The following NR2F1-AS1 variants were observed in gnomAD, a reference collection of about 807,000 sequenced individuals.
NR2F1-AS1 encodes NR2F1 regulatory antisense RNA 1, also known as NR2F1 antisense RNA 1.
chr5:93,413,446 T>G (rs1262898469), intron 4 of NR2F1-AS1, among the ~76,000 whole-genome samples: 1 of 152,054 alleles, frequency 6.6e-6, no homozygotes, highest in Non-Finnish European at 1.5e-5. Flanking sequence ...CTCTCTCATC[T>G]CTTCAGGGTT....
At chr5:93,439,041 A>T (rs977186793) in intron 4 of NR2F1-AS1, among the ~76,000 whole-genome samples, 3 of 152,256 alleles carry the variant, frequency 2.0e-5, no homozygotes, top group African/African-American at 7.2e-5. Flanking sequence ...TTATTTGTCA[A>T]TTATACCTCA....
intron 4 of NR2F1-AS1, among the ~76,000 whole-genome samples, chr5:93,475,251 G>A (rs1750457757): frequency 6.6e-6 from 1 of 151,964 alleles, no homozygotes; most frequent in African/African-American, 2.4e-5. Context: ...GATCCAAAAA[G>A]TTAAAAGCTA....
chr5:93,570,802 G>C (rs1253226760), intron 1 of NR2F1-AS1: 2 of 152,162 alleles, frequency 1.3e-5, no homozygotes, highest in African/African-American at 4.8e-5. Flanking sequence ...TCGACCTCCC[G>C]GCAGCCAACC....
At chr5:93,436,327 C>T (rs1424279221) in intron 4 of NR2F1-AS1, among the ~76,000 whole-genome samples, 1 of 152,144 alleles carries the variant, frequency 6.6e-6, no homozygotes, top group Non-Finnish European at 1.5e-5. Flanking sequence ...TCCCTGAGAA[C>T]ATTCCCTCAA....
chr5:93,533,397 C>A (rs1421576727), intron 4 of NR2F1-AS1, among the ~76,000 whole-genome samples: 1 of 152,100 alleles, frequency 6.6e-6, no homozygotes, highest in Non-Finnish European at 1.5e-5. Flanking sequence ...TGTATGCACA[C>A]AATTTATCAG....
chr5:93,554,140 G>A (rs779897275), intron 3 of NR2F1-AS1, among the ~76,000 whole-genome samples: 5 of 152,086 alleles, frequency 3.3e-5, no homozygotes, highest in East Asian at 1.9e-4. Flanking sequence ...TAACTAAAAC[G>A]AAGATTGTTT....
intron 4 of NR2F1-AS1, among the ~76,000 whole-genome samples, chr5:93,518,864 T>G (rs1283274390): frequency 6.6e-6 from 1 of 152,080 alleles, no homozygotes; most frequent in Non-Finnish European, 1.5e-5. Context: ...TCCTTCAGGC[T>G]TCCTAAGATG....
At chr5:93,456,079 C>T (rs559817144) in intron 4 of NR2F1-AS1, among the ~76,000 whole-genome samples, 144 of 152,022 alleles carry the variant, frequency 9.5e-4, no homozygotes, top group Non-Finnish European at 1.9e-3. Context: ...TACTGGAAAT[C>T]CTAGAGAAAA....
chr5:93,490,917 G>A (rs1750827370), intron 4 of NR2F1-AS1, among the ~76,000 whole-genome samples: 1 of 148,994 alleles, frequency 6.7e-6, no homozygotes, highest in African/African-American at 2.5e-5. Context: ...GGTGGTGATG[G>A]GAGTGGTGGT....
At chr5:93,481,159 T>C (rs1283450440) in intron 4 of NR2F1-AS1, among the ~76,000 whole-genome samples, 1 of 151,594 alleles carries the variant, frequency 6.6e-6, no homozygotes, top group Non-Finnish European at 1.5e-5. Flanking sequence ...AAGTTAACAA[T>C]GAAAGGATAG....
chr5:93,517,413 T>C (rs573644473), intron 4 of NR2F1-AS1, among the ~76,000 whole-genome samples: 2 of 152,116 alleles, frequency 1.3e-5, no homozygotes, highest in Non-Finnish European at 2.9e-5. Context: ...GTTAGTTCTT[T>C]ACAATCCTAA....
At chr5:93,417,180 A>G (rs559047292) in intron 4 of NR2F1-AS1, among the ~76,000 whole-genome samples, 1 of 152,326 alleles carries the variant, frequency 6.6e-6, no homozygotes, top group African/African-American at 2.4e-5. Context: ...TTTTATTTAT[A>G]CTATTTATTA....
At chr5:93,474,715 C>A (rs1028679179) in intron 4 of NR2F1-AS1, among the ~76,000 whole-genome samples, 1 of 152,268 alleles carries the variant, frequency 6.6e-6, no homozygotes, top group Non-Finnish European at 1.5e-5. Context: ...CCTAATCTCC[C>A]TACCCTAATC....
intron 4 of NR2F1-AS1, among the ~76,000 whole-genome samples, chr5:93,424,617 G>A (rs1749158058): frequency 6.6e-6 from 1 of 152,064 alleles, no homozygotes; most frequent in African/African-American, 2.4e-5. Flanking sequence ...CTGCACTTCA[G>A]ACTATTCTCC....
intron 4 of NR2F1-AS1, among the ~76,000 whole-genome samples, chr5:93,464,861 A>C (rs1750191378): frequency 6.6e-6 from 1 of 152,208 alleles, no homozygotes; most frequent in Non-Finnish European, 1.5e-5. Flanking sequence ...ATCAATGAGA[A>C]ATTGCTAGGA....
At chr5:93,486,054 A>G (rs1750707644) in intron 4 of NR2F1-AS1, among the ~76,000 whole-genome samples, 1 of 129,302 alleles carries the variant, frequency 7.7e-6, no homozygotes, top group Non-Finnish European at 1.6e-5. Context: ...ATAGGTGGGA[A>G]TTGAACAATG....
chr5:93,578,338 G>T (rs1752942381), intron 1 of NR2F1-AS1, among the ~76,000 whole-genome samples: 1 of 152,128 alleles, frequency 6.6e-6, no homozygotes, highest in Non-Finnish European at 1.5e-5. Flanking sequence ...CCCGCAAGGG[G>T]TACTATAGGC....
chr5:93,455,443 A>G (rs1228525455), intron 4 of NR2F1-AS1, among the ~76,000 whole-genome samples: 2 of 152,176 alleles, frequency 1.3e-5, no homozygotes, highest in Non-Finnish European at 2.9e-5. Context: ...AGAAGAGAAG[A>G]TGGGACAAAT....
chr5:93,465,980 G>A (rs908802944), intron 4 of NR2F1-AS1, among the ~76,000 whole-genome samples: 2 of 151,908 alleles, frequency 1.3e-5, no homozygotes, highest in African/African-American at 2.4e-5. Flanking sequence ...TGTAAATGAC[G>A]AGTTGATGGG....
Sources: gnomAD v4.1 joint callset for allele counts (sites outside exome capture counted in the v4.1 genomes callset) on GRCh38, gnomAD v4.1.1 for gene constraint, MANE v1.5 for transcripts, NCBI Gene and HGNC (gene_info 2026-07-23, HGNC 2026-07-21) for gene names.